The following LOC128462377 variants were observed in gnomAD, a reference collection of about 807,000 sequenced individuals.
chr16:89,359,769 T>C, the LOC128462377 span, among the ~76,000 whole-genome samples: 1 of 152,226 alleles, frequency 6.6e-6, no homozygotes, highest in South Asian at 2.1e-4. Context: ...GTTTGCATTT[T>C]AGTCTACACT....
At chr16:89,325,640 G>A in the LOC128462377 span, among the ~76,000 whole-genome samples, 1 of 152,250 alleles carries the variant, frequency 6.6e-6, no homozygotes, top group South Asian at 2.1e-4. Flanking sequence ...AATTGGAAGG[G>A]ACGGTGAAAC....
the LOC128462377 span, chr16:89,395,573 C>G: frequency 2.6e-5 from 4 of 152,248 alleles, no homozygotes; most frequent in African/African-American, 9.6e-5. Context: ...AATGGGCCAT[C>G]ACATTGGAAC....
the LOC128462377 span, among the ~76,000 whole-genome samples, chr16:89,395,424 A>G: frequency 0.012 from 1,799 of 152,328 alleles, 53 homozygotes; most frequent in Admixed American, 0.055. Flanking sequence ...AAGATCAAAG[A>G]GAGGAGACAG....
chr16:89,349,902 ACACACACACAT>A, the LOC128462377 span, among the ~76,000 whole-genome samples: 4 of 136,848 alleles, frequency 2.9e-5, no homozygotes, highest in African/African-American at 1.2e-4. Context: ...ACACACACAC[ACACACACACAT>A]ATTCAAACAA....
the LOC128462377 span, among the ~76,000 whole-genome samples, chr16:89,377,911 G>T: frequency 6.6e-6 from 1 of 151,564 alleles, no homozygotes; most frequent in African/African-American, 2.4e-5. Context: ...TCTACTCAAT[G>T]AAATGATGAG....
At chr16:89,406,254 C>T in the LOC128462377 span, among the ~76,000 whole-genome samples, 1 of 152,186 alleles carries the variant, frequency 6.6e-6, no homozygotes, top group Non-Finnish European at 1.5e-5. Context: ...AGTCGGCACC[C>T]ACACGTGCTG....
the LOC128462377 span, among the ~76,000 whole-genome samples, chr16:89,367,339 G>C: frequency 6.6e-5 from 10 of 152,366 alleles, no homozygotes; most frequent in African/African-American, 2.4e-4. Flanking sequence ...GAGCACAGTG[G>C]CGGCGCCCAG....
chr16:89,336,328 G>A, the LOC128462377 span, among the ~76,000 whole-genome samples: 5 of 152,228 alleles, frequency 3.3e-5, no homozygotes, highest in Non-Finnish European at 7.3e-5. Flanking sequence ...GCAACTGCCC[G>A]CACCTCCAAG....
At chr16:89,414,033 C>A in the LOC128462377 span, among the ~76,000 whole-genome samples, 1 of 149,510 alleles carries the variant, frequency 6.7e-6, no homozygotes, top group East Asian at 1.9e-4. Context: ...CGGGCCTGCA[C>A]ACCCTCCGCC....
chr16:89,397,325 G>A, the LOC128462377 span, among the ~76,000 whole-genome samples: 2 of 152,200 alleles, frequency 1.3e-5, no homozygotes, highest in East Asian at 1.9e-4. Context: ...CCAACTCCAC[G>A]GATTCCACCG....
At chr16:89,331,875 T>C in the LOC128462377 span, among the ~76,000 whole-genome samples, 5 of 151,980 alleles carry the variant, frequency 3.3e-5, no homozygotes, top group Non-Finnish European at 5.9e-5. Flanking sequence ...TCGGGTTTGG[T>C]TCCGGGTTAA....
At chr16:89,335,291 C>G in the LOC128462377 span, among the ~76,000 whole-genome samples, 1 of 152,166 alleles carries the variant, frequency 6.6e-6, no homozygotes, top group Non-Finnish European at 1.5e-5. Flanking sequence ...CACCCCCAAG[C>G]AGGGGCTGCA....
At chr16:89,403,661 A>C in the LOC128462377 span, 2 of 152,360 alleles carry the variant, frequency 1.3e-5, no homozygotes, top group Admixed American at 1.3e-4. Flanking sequence ...TGAGCACGAC[A>C]GCACGTGCCT....
At chr16:89,418,207 C>G in the LOC128462377 span, 1 of 443,240 alleles carries the variant, frequency 2.3e-6, no homozygotes, top group South Asian at 1.6e-5. Context: ...CCTGGACACT[C>G]ACGCATTATT....
the LOC128462377 span, among the ~76,000 whole-genome samples, chr16:89,380,476 TTC>T: frequency 6.6e-6 from 1 of 152,188 alleles, no homozygotes; most frequent in Admixed American, 6.5e-5. Flanking sequence ...TTCAGATAGC[TTC>T]CTTGGGGCTA....
the LOC128462377 span, among the ~76,000 whole-genome samples, chr16:89,344,229 A>G: frequency 1.3e-5 from 2 of 152,284 alleles, no homozygotes; most frequent in South Asian, 4.1e-4. Flanking sequence ...TCCATTTCAA[A>G]TTACATCTGC....
At chr16:89,405,792 T>C in the LOC128462377 span, among the ~76,000 whole-genome samples, 1 of 152,070 alleles carries the variant, frequency 6.6e-6, no homozygotes, top group East Asian at 1.9e-4. Context: ...TCCTCACACC[T>C]TCCCCCAGCG....
chr16:89,367,373 T>C, the LOC128462377 span, among the ~76,000 whole-genome samples: 1 of 152,194 alleles, frequency 6.6e-6, no homozygotes, highest in African/African-American at 2.4e-5. Flanking sequence ...CCACCACTGC[T>C]TCCACTGGGG....
At chr16:89,318,365 C>G in the LOC128462377 span, among the ~76,000 whole-genome samples, 2 of 152,234 alleles carry the variant, frequency 1.3e-5, no homozygotes, top group African/African-American at 4.8e-5. Context: ...CACTGTCCCC[C>G]CATCATGTCC....
Sources: gnomAD v4.1 joint callset for allele counts (sites outside exome capture counted in the v4.1 genomes callset) on GRCh38, gnomAD v4.1.1 for gene constraint, MANE v1.5 for transcripts.